Variants in DAO observed in about 807,000 individuals in gnomAD.
DAO encodes the protein D-amino-acid oxidase.
In DAO, 51 loss-of-function variants were observed where a neutral mutation model predicts 50.1. The ratio of observed to expected loss-of-function variants is 1.02; its 90% CI spans 0.81 to 1.29. The LOEUF is 1.29. Ranked by LOEUF, DAO falls within the 50% of genes most tolerant of loss-of-function variation. The pLI is 0.00. For synonymous variants in DAO, 160 were observed against 166.2 expected, an observed-to-expected ratio of 0.96 and a Z score of 0.29; for missense variants, 436 against 439.4, an observed-to-expected ratio of 0.99 and a Z score of 0.07.
At chr12:108,893,134 G>C (rs17041050) in intron 6 of DAO, 98 bp downstream of exon 6, 3 of 1,053,802 alleles carry the variant, frequency 2.8e-6, no homozygotes, top group South Asian at 2.7e-5. Flanking sequence ...AGGCTCCTAG[G>C]GTCCCCACAG....
chr12:108,880,843 G>C (rs2039369941), intron 1 of DAO, among the ~76,000 whole-genome samples: 1 of 152,058 alleles, frequency 6.6e-6, no homozygotes, highest in Non-Finnish European at 1.5e-5. Flanking sequence ...AAGACTGAAA[G>C]ACAAGCAGAA....
chr12:108,892,159 C>CTTTTTTTTTTTTTTTTT (rs11356161), intron 5 of DAO, among the ~76,000 whole-genome samples: 1 of 108,990 alleles, frequency 9.2e-6, no homozygotes, highest in Non-Finnish European at 1.8e-5. Context: ...TTTCTTTCTT[C>CTTTTTTTTTTTTTTTTT]TTTTTTTTTT....
intron 2 of DAO, among the ~76,000 whole-genome samples, chr12:108,887,234 C>T (rs1487338027): frequency 6.6e-6 from 1 of 152,144 alleles, no homozygotes; most frequent in African/African-American, 2.4e-5. Context: ...ATCCTTCATT[C>T]CCTCTCTTCT....
At chr12:108,882,514 G>A (rs561178688) in intron 1 of DAO, among the ~76,000 whole-genome samples, 84 of 151,718 alleles carry the variant, frequency 5.5e-4, no homozygotes, top group African/African-American at 1.8e-3. Flanking sequence ...ACTCTGTCTC[G>A]AAAAAATAAA....
chr12:108,899,709 G>C lies in DAO; in HGVS notation c.912+234G>C. 3 of 567,506 alleles carry C rather than the reference G, an allele frequency of 5.3e-6. No homozygotes were observed. In the South Asian group the frequency reaches 5.8e-5, roughly 11 times the overall value. 35.2% of individuals were successfully genotyped at this position (567,506 alleles called of 1,614,324 possible). A position where few individuals can be genotyped will look rare whatever the true frequency, so the allele number is the denominator to read the frequency against. ...TGGTGATGTTAATGGAGGTGGTGCT[G>C]ATGAGATCAATGTTGATAATGGTGT... On this transcript the variant is annotated intron_variant, in intron 10 of 10. Coordinates refer to ENST00000228476, the MANE Select transcript of DAO (RefSeq NM_001917.5).
At chr12:108,882,674 C>T (rs953969464) in intron 1 of DAO, among the ~76,000 whole-genome samples, 1 of 152,178 alleles carries the variant, frequency 6.6e-6, no homozygotes, top group Non-Finnish European at 1.5e-5. Context: ...GTCACCCTCA[C>T]TCAGTCAAGT....
chr12:108,900,538 A>C lies in DAO; in HGVS notation c.*3A>C. The C allele has an allele frequency of 6.2e-7, 1 of 1,613,396 alleles. No individual in the cohort carries two copies. Among genetic ancestry groups the C allele is most frequent in the Non-Finnish European group, 8.5e-7 (1 of 1,179,760 alleles). ...GAATGCCACCATCCCACCTCTGAAGACTCCAGTGACTGCTGCCTCCCCCCA... is the reference window on the plus strand; with the variant it reads ...GAATGCCACCATCCCACCTCTGAAGCCTCCAGTGACTGCTGCCTCCCCCCA... On this transcript the variant is annotated 3_prime_UTR_variant, in exon 11 of 11. Coordinates refer to ENST00000228476, the MANE Select transcript of DAO (RefSeq NM_001917.5).
At chr12:108,893,208 A>C (rs554158239) in intron 6 of DAO, among the ~76,000 whole-genome samples, 172 bp downstream of exon 6, 1 of 152,152 alleles carries the variant, frequency 6.6e-6, no homozygotes, top group East Asian at 1.9e-4. Flanking sequence ...CTCTGCCTTC[A>C]TGTTGGTAGT....
chr12:108,892,848 C>T, intron 5 of DAO, 134 bp from the exon 6 acceptor site: 1 of 781,260 alleles, frequency 1.3e-6, no homozygotes, highest in South Asian at 1.4e-5. Context: ...GATGACACAG[C>T]CATCTTCTCA....
intron 1 of DAO, among the ~76,000 whole-genome samples, chr12:108,884,584 A>C (rs1442813182): frequency 6.6e-6 from 1 of 152,170 alleles, no homozygotes; most frequent in Non-Finnish European, 1.5e-5. Context: ...TAGAGGTTGA[A>C]GCATCTTGCC....
At chr12:108,889,137 G>A (rs928369990) in intron 3 of DAO, among the ~76,000 whole-genome samples, 5 of 148,892 alleles carry the variant, frequency 3.4e-5, no homozygotes, top group East Asian at 2.0e-4. Flanking sequence ...ATGAAGTCTC[G>A]CTCTGTGGCC....
At chr12:108,885,538 A>T (rs1265528623) in intron 2 of DAO, among the ~76,000 whole-genome samples, 1 of 152,120 alleles carries the variant, frequency 6.6e-6, no homozygotes, top group Admixed American at 6.6e-5. Flanking sequence ...TGAGCCTAGG[A>T]GGTGAAGGTG....
At chr12:108,892,006 C>A (rs902374781) in intron 5 of DAO, among the ~76,000 whole-genome samples, 2 of 152,116 alleles carry the variant, frequency 1.3e-5, no homozygotes, top group Admixed American at 1.3e-4. Context: ...ACACATGACC[C>A]TTGTCCAGTC....
chr12:108,895,572 G>T (rs371595400), intron 7 of DAO, among the ~76,000 whole-genome samples: 2 of 147,916 alleles, frequency 1.4e-5, no homozygotes, highest in Non-Finnish European at 3.0e-5. Context: ...AGGTGTGTGC[G>T]CATGTGAGAG....
rs765029657 is a variant in DAO, at chr12:108,885,125, C to A, written c.119C>A (p.Thr40Asn). 1.9e-6 allele frequency: 3 copies of A among 1,613,234 alleles called. No homozygotes were observed. The African/African-American group carries it at 4.0e-5, about 22-fold the overall frequency. ...LDIKVYADRF[T>N]PLTTTDVAAG... Reference sequence around the variant, plus strand: ...ATAAAGGTCTACGCGGACCGCTTCACCCCACTCACCACCACCGACGTGGCT... The same window carrying A: ...ATAAAGGTCTACGCGGACCGCTTCAACCCACTCACCACCACCGACGTGGCT... Residue 40 changes from threonine to asparagine, a missense_variant, in exon 2 of 11, where the codon ACC becomes AAC. Thr to Asn is a moderately conservative substitution (Grantham distance 65, BLOSUM62 0). Transcript: ENST00000228476.
chr12:108,880,373 T>C (rs963655731), intron 1 of DAO, 149 bp downstream of exon 1: 1 of 332,610 alleles, frequency 3.0e-6, no homozygotes, highest in South Asian at 2.5e-5. Flanking sequence ...CTCTCAAACA[T>C]CCAGCAGAGA....
At chr12:108,895,199 C>T (rs978665512) in intron 7 of DAO, among the ~76,000 whole-genome samples, 1 of 141,772 alleles carries the variant, frequency 7.1e-6, no homozygotes, top group African/African-American at 2.9e-5. Context: ...AGAGCCTGTG[C>T]GTGCAAGCAT....
chr12:108,897,697 C>T (rs2039574567), intron 8 of DAO, among the ~76,000 whole-genome samples: 1 of 152,032 alleles, frequency 6.6e-6, no homozygotes, highest in Admixed American at 6.6e-5. Context: ...CCTGTAATCC[C>T]AGCACTTTGC....
At chr12:108,894,475 C>A (rs968495066) in intron 7 of DAO, 108 bp downstream of exon 7, 3 of 916,142 alleles carry the variant, frequency 3.3e-6, no homozygotes, top group African/African-American at 3.3e-5. Flanking sequence ...GTTAGAGGAA[C>A]CCCCCGGACT....
Sources: gnomAD v4.1 joint callset for allele counts (sites outside exome capture counted in the v4.1 genomes callset) on GRCh38, gnomAD v4.1.1 for gene constraint, MANE v1.5 for transcripts, NCBI Gene and HGNC (gene_info 2026-07-23, HGNC 2026-07-21) for gene names.